ROBO1: variants seen among roughly 807,000 people sequenced by gnomAD.
ROBO1 encodes roundabout guidance receptor 1.
A neutral mutation model predicts 195.9 loss-of-function variants in ROBO1; 149 were observed. The ratio of observed to expected loss-of-function variants is 0.76; its 90% CI spans 0.67 to 0.87. The LOEUF is 0.87. ROBO1 is among the 40% of genes least tolerant of loss of function. ROBO1 has a pLI of 0.00. For missense variants in ROBO1, 1,933 were observed against 2,068.3 expected (o/e 0.93, Z 1.27); for synonymous variants, 816 against 733.2 (o/e 1.11, Z -1.82).
chr3:79,153,263 C>G (rs902260600), intron 2 of ROBO1, among the ~76,000 whole-genome samples: 3 of 151,686 alleles, frequency 2.0e-5, no homozygotes, highest in Non-Finnish European at 4.4e-5. Flanking sequence ...TCGCTTAACC[C>G]TATCTTTATC....
chr3:78,598,868 G>C lies in ROBO1; in HGVS notation c.*45C>G. ...TGTGTCATCTGACAGGAGGCATCTT[G>C]AGTGATGATTTTCACATTAGATCTC... On this transcript the variant is annotated 3_prime_UTR_variant, in exon 31 of 31. Transcript: ENST00000464233. The C allele has an allele frequency of 7.1e-7, 1 of 1,414,412 alleles. No individual in the cohort carries two copies. Among genetic ancestry groups the C allele is most frequent in the Non-Finnish European group, 9.7e-7 (1 of 1,027,648 alleles). 87.6% of individuals were successfully genotyped at this position (1,414,412 alleles called of 1,614,324 possible).
intron 4 of ROBO1, among the ~76,000 whole-genome samples, chr3:78,869,268 A>C (rs1268272660): frequency 6.6e-6 from 1 of 152,192 alleles, no homozygotes. Flanking sequence ...CCTATGTGTA[A>C]TATCATATGG....
intron 2 of ROBO1, among the ~76,000 whole-genome samples, chr3:79,388,111 T>C (rs1462139856): frequency 6.6e-6 from 1 of 152,198 alleles, no homozygotes; most frequent in African/African-American, 2.4e-5. Flanking sequence ...TGATCTTTTA[T>C]AGTGAAACTA....
chr3:78,728,950 T>C (rs961866344), intron 5 of ROBO1, among the ~76,000 whole-genome samples: 3 of 152,064 alleles, frequency 2.0e-5, no homozygotes, highest in Admixed American at 2.0e-4. Flanking sequence ...CAGCCAGGAG[T>C]TTAAACACAC....
intron 5 of ROBO1, among the ~76,000 whole-genome samples, chr3:78,719,420 T>C (rs1382510186): frequency 6.6e-6 from 1 of 152,190 alleles, no homozygotes; most frequent in Non-Finnish European, 1.5e-5. Context: ...TAATTATTGT[T>C]AGTACTTTTG....
At chr3:79,292,911 C>G (rs749817828) in intron 2 of ROBO1, among the ~76,000 whole-genome samples, 1 of 152,096 alleles carries the variant, frequency 6.6e-6, no homozygotes, top group African/African-American at 2.4e-5. Context: ...AGGGGGGAGT[C>G]CCTCTTTTTC....
In ROBO1 at chr3:78,938,010, T is replaced by A. The variant is rs111311697; in HGVS notation, c.499+591A>T. 4.7e-3 allele frequency: 635 copies of A among 135,798 alleles called. 13 individuals carry two copies. Among genetic ancestry groups the A allele is most frequent in the African/African-American group, 0.021 (565 of 27,302 alleles). The allele number at this position is 135,798 out of a possible 1,614,324, so 8.4% of individuals were successfully genotyped here. Reference sequence around the variant, plus strand: ...GAGTGAGTGTGTGTGTGTGTGTGTGTGTGTGTGTGTGTGTGTGTGTGTATT... The same window carrying A: ...GAGTGAGTGTGTGTGTGTGTGTGTGAGTGTGTGTGTGTGTGTGTGTGTATT... On this transcript the variant is annotated intron_variant, in intron 4 of 30. Transcript: ENST00000464233.
chr3:79,739,998 T>C (rs1703553072), intron 1 of ROBO1, among the ~76,000 whole-genome samples: 1 of 152,074 alleles, frequency 6.6e-6, no homozygotes, highest in African/African-American at 2.4e-5. Context: ...GTCATGTTGA[T>C]AATCTCATAT....
chr3:78,920,197 G>C (rs758337812), intron 4 of ROBO1, among the ~76,000 whole-genome samples: 8 of 152,178 alleles, frequency 5.3e-5, no homozygotes, highest in Admixed American at 2.6e-4. Flanking sequence ...TTACATACAA[G>C]ATGAATTTGT....
chr3:78,949,984 T>G (rs1224730819), intron 3 of ROBO1, among the ~76,000 whole-genome samples: 1 of 152,172 alleles, frequency 6.6e-6, no homozygotes, highest in East Asian at 1.9e-4. Context: ...CCAGTTAGAA[T>G]GGCAATCATT....
At chr3:78,620,388 T>C (rs1704381752) in intron 26 of ROBO1, among the ~76,000 whole-genome samples, 1 of 151,998 alleles carries the variant, frequency 6.6e-6, no homozygotes, top group African/African-American at 2.4e-5. Flanking sequence ...GGCAGACACC[T>C]GTAATCCCAG....
At chr3:78,680,833 G>T (rs981498206) in intron 10 of ROBO1, among the ~76,000 whole-genome samples, 9 of 149,292 alleles carry the variant, frequency 6.0e-5, no homozygotes, top group Admixed American at 5.3e-4. Flanking sequence ...CCATTACTGG[G>T]TATATAACCA....
chr3:79,723,951 G>T (rs1027385929), intron 1 of ROBO1, among the ~76,000 whole-genome samples: 1 of 152,134 alleles, frequency 6.6e-6, no homozygotes, highest in African/African-American at 2.4e-5. Context: ...TCATAGATTA[G>T]AAATAAATAA....
rs892420414 is a variant in ROBO1, at chr3:79,073,632, A to T, written c.172+51824T>A. Among the ~76,000 whole-genome samples, 8 of 151,920 alleles carry T rather than the reference A, an allele frequency of 5.3e-5. No homozygotes were observed. The East Asian group carries it at 1.2e-3, about 22-fold the overall frequency. On this transcript the variant is annotated intron_variant, in intron 3 of 30. Transcript: ENST00000464233. ...CAGGACATAGATTTAAAAAATATAT[A>T]TATGATCTCAGTTCATGCTACCACT...
At chr3:79,721,868 AAAAGT>A (rs1260775347) in intron 1 of ROBO1, among the ~76,000 whole-genome samples, 7 of 152,224 alleles carry the variant, frequency 4.6e-5, no homozygotes, top group South Asian at 2.1e-4. Context: ...TTAAAAATAT[AAAAGT>A]AAAGCCCCCC....
intron 2 of ROBO1, among the ~76,000 whole-genome samples, chr3:79,417,578 C>T (rs909515128): frequency 1.3e-5 from 2 of 152,172 alleles, no homozygotes; most frequent in African/African-American, 4.8e-5. Flanking sequence ...CTGCTATAGT[C>T]TGGATCACAA....
At chr3:78,844,043 C>T (rs2033477279) in intron 4 of ROBO1, among the ~76,000 whole-genome samples, 1 of 152,084 alleles carries the variant, frequency 6.6e-6, no homozygotes, top group Admixed American at 6.6e-5. Flanking sequence ...TATGCCAATA[C>T]AGGTATTTTG....
At chr3:79,025,566 T>A (rs2078188010) in intron 3 of ROBO1, among the ~76,000 whole-genome samples, 1 of 152,192 alleles carries the variant, frequency 6.6e-6, no homozygotes, top group Admixed American at 6.5e-5. Flanking sequence ...GAAAAATGCT[T>A]CTTTAGTTAA....
intron 2 of ROBO1, among the ~76,000 whole-genome samples, chr3:79,232,256 AAAAAATAT>A (rs2082333195): frequency 6.8e-6 from 1 of 146,380 alleles, no homozygotes. Context: ...TTAAAAAAAA[AAAAAATAT>A]ATATATATAA....
Sources: gnomAD v4.1 joint callset for allele counts (sites outside exome capture counted in the v4.1 genomes callset) on GRCh38, gnomAD v4.1.1 for gene constraint, MANE v1.5 for transcripts, NCBI Gene and HGNC (gene_info 2026-07-23, HGNC 2026-07-21) for gene names.